The following PHF6 variants were observed in gnomAD, a reference collection of about 807,000 sequenced individuals.
PHF6 encodes the protein PHD-like zinc finger protein.
A neutral mutation model predicts 34.0 loss-of-function variants in PHF6; 7 were observed. The ratio of observed to expected loss-of-function variants is 0.21; its 90% confidence interval spans 0.12 to 0.39. PHF6 has a LOEUF of 0.39. PHF6 is among the 10% of genes least tolerant of loss of function. PHF6 has a pLI of 1.00. For synonymous variants in PHF6, 89 were observed against 88.4 expected (o/e 1.01, Z -0.04); for missense variants, 128 against 262.8 (o/e 0.49, Z 3.55).
At chrX:134,423,930 G>C (rs2077499639) in intron 9 of PHF6, among the ~76,000 whole-genome samples, 1 of 109,808 alleles carries the variant, frequency 9.1e-6, no homozygotes, top group Admixed American at 9.8e-5. Flanking sequence ...TTGGACACAG[G>C]GTGGGGAACA....
At chrX:134,380,054 A>G (rs2077299767) in intron 3 of PHF6, among the ~76,000 whole-genome samples, 1 of 111,921 alleles carries the variant, frequency 8.9e-6, no homozygotes, top group Non-Finnish European at 1.9e-5. Flanking sequence ...TTGAAACATT[A>G]TTAACAAATG....
chrX:134,412,023 C>A (rs796405757), intron 5 of PHF6, among the ~76,000 whole-genome samples: 17 of 112,228 alleles, frequency 1.5e-4, no homozygotes, highest in African/African-American at 5.5e-4. Context: ...TGAGCCACCA[C>A]GCCCAGCCAA....
Position 134,426,205 on chromosome X carries a change from A to G in PHF6, c.*545A>G. The G allele has an allele frequency of 6.3e-6, 1 of 159,976 alleles. No homozygotes were observed. 13.2% of individuals were successfully genotyped at this position (159,976 alleles called of 1,213,427 possible). A position where few individuals can be genotyped will look rare whatever the true frequency, so the allele number is the denominator to read the frequency against. On this transcript the variant is annotated 3_prime_UTR_variant, in exon 11 of 11. Transcript: ENST00000370803. ...TCCAAGAAGTATGCTAAAGCTTTTC[A>G]TTTGGTTCCTGTTAAAGTTGTTCTC...
At chrX:134,400,390 CT>C (rs59456723) in intron 5 of PHF6, among the ~76,000 whole-genome samples, 10,248 of 79,833 alleles carry the variant, frequency 0.13, 957 homozygotes, top group African/African-American at 0.25. Flanking sequence ...CAGCCTTTGC[CT>C]TTTTTTTTTT....
chrX:134,390,849 A>T lies in PHF6; in HGVS notation c.241-2652A>T, dbSNP rs374513839. Among the ~76,000 whole-genome samples the T allele has an allele frequency of 6.4e-3, 711 of 111,488 alleles. 5 individuals are homozygous for T. Among genetic ancestry groups the T allele is most frequent in the African/African-American group, 0.022 (676 of 30,762 alleles). On this transcript the variant is annotated intron_variant, in intron 3 of 10. Coordinates refer to ENST00000370803, the MANE Select transcript of PHF6 (RefSeq NM_001015877.2). ...TATCCTGCCTCATTTTTTTTAACTT[A>T]ACATTACACATAGATCTTCCTGAGC...
chrX:134,418,041 G>T (rs1179256800), intron 9 of PHF6: 2 of 111,467 alleles, frequency 1.8e-5, no homozygotes, highest in Non-Finnish European at 3.8e-5. Context: ...CTGTAGTGGG[G>T]AGTATTTAAA....
chrX:134,381,452 G>C (rs1258119887), intron 3 of PHF6, among the ~76,000 whole-genome samples: 2 of 109,731 alleles, frequency 1.8e-5, no homozygotes, highest in African/African-American at 6.6e-5. Context: ...AATGTAACTA[G>C]ATAAACTGCA....
chrX:134,423,111 A>G (rs1247448078), intron 9 of PHF6, among the ~76,000 whole-genome samples: 3 of 111,816 alleles, frequency 2.7e-5, no homozygotes, highest in Non-Finnish European at 5.6e-5. Flanking sequence ...TCATTATATA[A>G]TTATTATTCC....
At chrX:134,403,968 G>A (rs1224469438) in intron 5 of PHF6, among the ~76,000 whole-genome samples, 1 of 110,358 alleles carries the variant, frequency 9.1e-6, no homozygotes, top group Non-Finnish European at 1.9e-5. Flanking sequence ...GAGCTCTGAT[G>A]GAGATCTACA....
intron 3 of PHF6, among the ~76,000 whole-genome samples, chrX:134,384,146 G>A (rs1569335958): frequency 9.0e-6 from 1 of 111,717 alleles, no homozygotes; most frequent in African/African-American, 3.3e-5. Flanking sequence ...TAAAGAAACA[G>A]GGTGTCTTCT....
At chrX:134,392,639 A>G (rs2077359821) in intron 3 of PHF6, among the ~76,000 whole-genome samples, 1 of 111,751 alleles carries the variant, frequency 8.9e-6, no homozygotes, top group Non-Finnish European at 1.9e-5. Context: ...TCATAATATA[A>G]TCAACTTGAC....
intron 9 of PHF6, chrX:134,418,231 A>G (rs1180982343): frequency 9.0e-6 from 1 of 111,139 alleles, no homozygotes; most frequent in East Asian, 2.8e-4. Context: ...TCCAGGTGAG[A>G]ATTATTGGTA....
At position 134,426,232 on chromosome X, in the gene PHF6, C is replaced by A. The variant is rs1210599995; in HGVS notation, c.*572C>A. 6.3e-6 allele frequency: 1 copy of A among 159,582 alleles called. No individual in the cohort carries two copies. The highest frequency in any genetic ancestry group is 3.0e-5 in the African/African-American group (1 of 33,141). The allele number at this position is 159,582 out of a possible 1,213,427, so 13.2% of individuals were successfully genotyped here. ...TTGGTTCCTGTTAAAGTTGTTCTCACTGACCAGCATGGACTCAGGCAACTG... is the reference window on the plus strand; with the variant it reads ...TTGGTTCCTGTTAAAGTTGTTCTCAATGACCAGCATGGACTCAGGCAACTG... On this transcript the variant is annotated 3_prime_UTR_variant, in exon 11 of 11. Coordinates refer to ENST00000370803, the MANE Select transcript of PHF6 (RefSeq NM_001015877.2).
Position 134,381,457 on chromosome X carries a change from A to T in PHF6, c.240+3351A>T, listed in dbSNP as rs2077307014. 2.7e-5 allele frequency among the ~76,000 whole-genome samples: 3 copies of T among 110,132 alleles called. No individual in the cohort carries two copies. In the South Asian group the frequency reaches 1.2e-3, roughly 43 times the overall value. Reference sequence around the variant, plus strand: ...TGAAGAGCTTAATGTAACTAGATAAACTGCATATAAACTAGGTAATCAGCT... The same window carrying T: ...TGAAGAGCTTAATGTAACTAGATAATCTGCATATAAACTAGGTAATCAGCT... On this transcript the variant is annotated intron_variant, in intron 3 of 10. Transcript: ENST00000370803.
chrX:134,386,760 C>T (rs942595410), intron 3 of PHF6, among the ~76,000 whole-genome samples: 1 of 111,733 alleles, frequency 8.9e-6, no homozygotes, highest in African/African-American at 3.3e-5. Context: ...GGACCATTGC[C>T]TTGTGTCAGG....
intron 7 of PHF6, among the ~76,000 whole-genome samples, chrX:134,414,249 T>A (rs910672772): frequency 8.9e-6 from 1 of 111,788 alleles, no homozygotes; most frequent in African/African-American, 3.2e-5. Flanking sequence ...TAATTAATTA[T>A]TTCATAACTA....
chrX:134,424,605 A>C (rs1022328302), intron 9 of PHF6, among the ~76,000 whole-genome samples: 1 of 111,992 alleles, frequency 8.9e-6, no homozygotes, highest in Non-Finnish European at 1.9e-5. Context: ...TCTCATCCTA[A>C]AAAGTCAGTG....
At chrX:134,404,937 T>G (rs2077416674) in intron 5 of PHF6, among the ~76,000 whole-genome samples, 1 of 112,183 alleles carries the variant, frequency 8.9e-6, no homozygotes, top group African/African-American at 3.2e-5. Flanking sequence ...TTAAATGCAC[T>G]GGGAAATGAA....
intron 3 of PHF6, among the ~76,000 whole-genome samples, chrX:134,391,225 C>T (rs940054452): frequency 9.0e-6 from 1 of 111,161 alleles, no homozygotes; most frequent in Non-Finnish European, 1.9e-5. Context: ...GCGCCCGTCT[C>T]AGCCTCCCAA....
Sources: allele counts gnomAD v4.1 joint callset (sites outside exome capture counted in the v4.1 genomes callset), GRCh38; gene constraint gnomAD v4.1.1; transcripts MANE v1.5; gene names NCBI Gene and HGNC (gene_info 2026-07-23, HGNC 2026-07-21).